CERS5: variants seen among roughly 807,000 people sequenced by gnomAD.
The protein encoded by CERS5 is ceramide synthase 5, also known as LAG1 homolog, ceramide synthase 5.
A neutral mutation model predicts 58.9 loss-of-function variants in CERS5; 37 were observed. That is an observed-to-expected ratio of 0.63 (90% CI 0.48 to 0.83). The LOEUF (loss-of-function observed/expected upper bound fraction) is 0.83. Among genes scored for constraint, CERS5 ranks in the 40% least tolerant of loss-of-function variants. The probability of loss-of-function intolerance (pLI) is 0.00; values close to 1 mark genes in which losing one functional copy is unlikely to be tolerated. For missense variants in CERS5, 398 were observed against 489.3 expected (o/e 0.81, Z 1.76); for synonymous variants, 147 against 177.8 (o/e 0.83, Z 1.38).
chr12:50,152,721 A>T (rs1938103338), intron 1 of CERS5, among the ~76,000 whole-genome samples: 1 of 152,138 alleles, frequency 6.6e-6, no homozygotes, highest in Non-Finnish European at 1.5e-5. Context: ...CTTTTACCTG[A>T]AAGGACTGAC....
At chr12:50,153,880 G>A (rs545761726) in intron 1 of CERS5, 5 of 421,742 alleles carry the variant, frequency 1.2e-5, no homozygotes, top group South Asian at 3.3e-5. Context: ...TTTGAACCTG[G>A]GAGGCAGAGG....
intron 1 of CERS5, among the ~76,000 whole-genome samples, chr12:50,153,636 A>T (rs1164741336): frequency 6.6e-6 from 1 of 152,134 alleles, no homozygotes; most frequent in Non-Finnish European, 1.5e-5. Flanking sequence ...TATTTTCCAA[A>T]TGATGGATAC....
At chr12:50,135,488 C>T in intron 8 of CERS5, 1 of 685,330 alleles carries the variant, frequency 1.5e-6, no homozygotes. Flanking sequence ...AGAAGCCAAC[C>T]AAGCCGGGTA....
At chr12:50,146,890 T>C (rs1043026381) in intron 1 of CERS5, among the ~76,000 whole-genome samples, 1 of 151,656 alleles carries the variant, frequency 6.6e-6, no homozygotes, top group Non-Finnish European at 1.5e-5. Context: ...TACTTGTTGA[T>C]TGTTTATTTT....
intron 1 of CERS5, chr12:50,147,389 A>C (rs1952345004): frequency 7.0e-6 from 1 of 142,920 alleles, no homozygotes; most frequent in Admixed American, 7.4e-5. Context: ...CCTGGGTAAC[A>C]GAGCGAGACT....
At position 50,142,210 on chromosome 12, in the gene CERS5, G is replaced by T. The variant is rs1317138703; in HGVS notation, c.435-100C>A. On this transcript the variant is annotated intron_variant, in intron 3 of 9. Coordinates refer to ENST00000317551, the MANE Select transcript of CERS5 (RefSeq NM_147190.5). ...AGCAAATTTGGGGATAAGAGTTACT[G>T]GTGAGAAAGAGGATCAATTCCTAGA... 9.3e-6 allele frequency: 7 copies of T among 752,674 alleles called. No homozygotes were observed. In the Admixed American group the frequency reaches 1.9e-4, roughly 21 times the overall value. 46.6% of individuals were successfully genotyped at this position (752,674 alleles called of 1,614,324 possible).
intron 1 of CERS5, among the ~76,000 whole-genome samples, chr12:50,151,877 T>C (rs751889480): frequency 1.3e-5 from 2 of 152,214 alleles, no homozygotes; most frequent in Non-Finnish European, 2.9e-5. Context: ...ACTCCTGGCC[T>C]CTAGTGGATT....
At chr12:50,134,343 C>T in intron 9 of CERS5, 1 of 1,386,300 alleles carries the variant, frequency 7.2e-7, no homozygotes, top group Non-Finnish European at 9.5e-7. Context: ...CACTGAACTC[C>T]AGCCTGGGTG....
At chr12:50,155,629 C>A in intron 1 of CERS5, among the ~76,000 whole-genome samples, 1 of 148,630 alleles carries the variant, frequency 6.7e-6, no homozygotes, top group Middle Eastern at 3.5e-3. Context: ...CACAGCTACT[C>A]GGGAGGCTGA....
chr12:50,165,942 A>C, intron 1 of CERS5: 1 of 455,190 alleles, frequency 2.2e-6, no homozygotes, highest in Non-Finnish European at 4.4e-6. Context: ...GAATATCTTT[A>C]TCTTGGACAA....
At position 50,142,578 on chromosome 12, in the gene CERS5, G is replaced by A. The variant is rs73123548; in HGVS notation, c.435-468C>T. On this transcript the variant is annotated intron_variant, in intron 3 of 9. Transcript: ENST00000317551. ...AAAAAAAAAAAAAAGCCAAAGCAGC[G>A]TCATCTTTCATTAGGAAAATATTAG... 2.2e-3 allele frequency among the ~76,000 whole-genome samples: 323 copies of A among 148,442 alleles called. 2 individuals carry two copies. The highest frequency in any genetic ancestry group is 3.2e-3 in the Non-Finnish European group (216 of 67,438).
intron 8 of CERS5, chr12:50,135,449 G>A (rs1321254790): frequency 1.6e-6 from 1 of 641,832 alleles, no homozygotes; most frequent in South Asian, 1.5e-5. Context: ...ATAAAATGAG[G>A]ACTGTTCCTC....
chr12:50,131,558 CAAAAAAAA>C (rs752634104), intron 9 of CERS5, among the ~76,000 whole-genome samples: 9 of 69,834 alleles, frequency 1.3e-4, no homozygotes, highest in Non-Finnish European at 2.2e-4. Context: ...GACTCCATCT[CAAAAAAAA>C]AAAAAAAAAA....
At chr12:50,133,179 G>A in intron 9 of CERS5, 2 of 1,203,310 alleles carry the variant, frequency 1.7e-6, no homozygotes, top group African/African-American at 1.6e-5. Context: ...AATGATGCAG[G>A]AGATCATCAA....
chr12:50,140,870 T>C (rs1307642290), intron 4 of CERS5, among the ~76,000 whole-genome samples: 1 of 147,290 alleles, frequency 6.8e-6, no homozygotes, highest in Non-Finnish European at 1.5e-5. Flanking sequence ...AGGGTTTAGG[T>C]CAATTACTGA....
chr12:50,150,605 G>C (rs989524809), intron 1 of CERS5, among the ~76,000 whole-genome samples: 13 of 152,088 alleles, frequency 8.5e-5, no homozygotes, highest in Admixed American at 5.3e-4. Flanking sequence ...CATATGAAAG[G>C]AATATAAACT....
At chr12:50,152,904 T>C (rs1004923763) in intron 1 of CERS5, among the ~76,000 whole-genome samples, 1 of 151,936 alleles carries the variant, frequency 6.6e-6, no homozygotes, top group Non-Finnish European at 1.5e-5. Context: ...ACCCCATCTC[T>C]ACTAAAAATA....
At chr12:50,144,793 TA>T in intron 1 of CERS5, 1 of 1,528,314 alleles carries the variant, frequency 6.5e-7, no homozygotes, top group South Asian at 1.2e-5. Flanking sequence ...TTTCATCATC[TA>T]AAAGAAGAGG....
In CERS5 at chr12:50,135,641, A is replaced by G. The variant is rs749990570; in HGVS notation, c.872+91T>C. 3.2e-6 allele frequency: 3 copies of G among 947,600 alleles called. No homozygotes were observed. The African/African-American group carries it at 4.8e-5, about 15-fold the overall frequency. 58.7% of individuals were successfully genotyped at this position (947,600 alleles called of 1,614,324 possible). A position where few individuals can be genotyped will look rare whatever the true frequency, so the allele number is the denominator to read the frequency against. On this transcript the variant is annotated intron_variant, in intron 8 of 9. Transcript: ENST00000317551. ...TCTATTGGCGAAAGTAGAATAGAAT[A>G]GAACAGAAAAACTGAATGGGCAAAA...
Sources: gnomAD v4.1 joint callset for allele counts (sites outside exome capture counted in the v4.1 genomes callset) on GRCh38, gnomAD v4.1.1 for gene constraint, MANE v1.5 for transcripts, NCBI Gene and HGNC (gene_info 2026-07-23, HGNC 2026-07-21) for gene names.